The following AUTS2 variants were observed in gnomAD, a reference collection of about 807,000 sequenced individuals.
The protein encoded by AUTS2 is activator of transcription and developmental regulator AUTS2.
Under a neutral mutation model 112.4 loss-of-function variants are expected in AUTS2, and 17 were observed. The observed-to-expected ratio is 0.15, with a 90% CI of 0.10 to 0.23. The LOEUF (loss-of-function observed/expected upper bound fraction) is 0.23, where lower values mean the gene tolerates loss of function less well. Among genes scored for constraint, AUTS2 ranks in the 10% least tolerant of loss-of-function variants. AUTS2 has a pLI of 1.00. For missense variants in AUTS2, 1,510 were observed against 1,701.6 expected (o/e 0.89, Z 1.98); for synonymous variants, 751 against 702.7 (o/e 1.07, Z -1.09).
intron 1 of AUTS2, among the ~76,000 whole-genome samples, chr7:69,603,023 T>C (rs1322416074): frequency 6.6e-6 from 1 of 152,172 alleles, no homozygotes; most frequent in Non-Finnish European, 1.5e-5. Context: ...AAAATGTGTG[T>C]TGGGGGAGTG....
At chr7:69,836,830 C>T (rs769695870) in intron 1 of AUTS2, among the ~76,000 whole-genome samples, 34 of 152,082 alleles carry the variant, frequency 2.2e-4, no homozygotes, top group Non-Finnish European at 2.9e-4. Context: ...AGGTATTGAC[C>T]GCTATAGTGT....
chr7:70,771,673 G>C, intron 11 of AUTS2, 29 bp downstream of exon 11: 1 of 1,593,332 alleles, frequency 6.3e-7, no homozygotes, highest in Non-Finnish European at 8.6e-7. Context: ...AAAACACACA[G>C]GCATGTGTCT....
chr7:70,448,284 G>C (rs1046190254), intron 5 of AUTS2, among the ~76,000 whole-genome samples: 3 of 152,168 alleles, frequency 2.0e-5, no homozygotes, highest in Non-Finnish European at 2.9e-5. Flanking sequence ...GTACATGATA[G>C]GGTTGTAATT....
chr7:69,752,112 T>A (rs1787764274), intron 1 of AUTS2, among the ~76,000 whole-genome samples: 1 of 152,218 alleles, frequency 6.6e-6, no homozygotes, highest in Admixed American at 6.5e-5. Flanking sequence ...CTGTACTGAC[T>A]AAGGAGCCTT....
intron 2 of AUTS2, among the ~76,000 whole-genome samples, chr7:70,111,389 C>T (rs570746132): frequency 6.6e-6 from 1 of 152,220 alleles, no homozygotes; most frequent in South Asian, 2.1e-4. Context: ...TCTTTCCTTT[C>T]TATAATAAAC....
chr7:69,744,546 T>C (rs1787404352), intron 1 of AUTS2, among the ~76,000 whole-genome samples: 1 of 151,990 alleles, frequency 6.6e-6, no homozygotes, highest in Non-Finnish European at 1.5e-5. Flanking sequence ...AATAAAATAC[T>C]GTAGGTCCAG....
chr7:69,829,873 A>G (rs1584307510), intron 1 of AUTS2, among the ~76,000 whole-genome samples: 1 of 152,162 alleles, frequency 6.6e-6, no homozygotes, highest in African/African-American at 2.4e-5. Flanking sequence ...TGACCCAGCA[A>G]TCTCATTACT....
At chr7:70,381,575 A>G (rs1050615022) in intron 4 of AUTS2, among the ~76,000 whole-genome samples, 6 of 152,244 alleles carry the variant, frequency 3.9e-5, no homozygotes, top group East Asian at 1.9e-4. Flanking sequence ...AATTAAGTCA[A>G]TGATGAGGGA....
chr7:69,894,162 G>T (rs1204456618), intron 1 of AUTS2, among the ~76,000 whole-genome samples: 1 of 149,752 alleles, frequency 6.7e-6, no homozygotes, highest in Non-Finnish European at 1.5e-5. Flanking sequence ...AAATCTTTTT[G>T]CCTCTCAGCC....
chr7:69,646,265 G>T (rs542635941), intron 1 of AUTS2, among the ~76,000 whole-genome samples: 3 of 152,056 alleles, frequency 2.0e-5, no homozygotes, highest in Non-Finnish European at 2.9e-5. Flanking sequence ...CCTTATACAA[G>T]GATTTTAGTC....
chr7:70,379,951 T>TA (rs977098709), intron 4 of AUTS2, among the ~76,000 whole-genome samples: 1 of 152,204 alleles, frequency 6.6e-6, no homozygotes, highest in African/African-American at 2.4e-5. Flanking sequence ...AATATTTCGA[T>TA]CAGGTGCAAA....
At chr7:70,665,130 A>G (rs1208905144) in intron 5 of AUTS2, among the ~76,000 whole-genome samples, 3 of 152,152 alleles carry the variant, frequency 2.0e-5, no homozygotes, top group Non-Finnish European at 4.4e-5. Context: ...CCAAACAACA[A>G]TTTCATCATA....
intron 4 of AUTS2, among the ~76,000 whole-genome samples, chr7:70,175,851 C>A (rs778735984): frequency 6.6e-6 from 1 of 152,148 alleles, no homozygotes; most frequent in Admixed American, 6.5e-5. Context: ...ATAATGCTAT[C>A]AATTATGTTA....
chr7:69,734,826 A>G (rs1332870650), intron 1 of AUTS2, among the ~76,000 whole-genome samples: 1 of 152,180 alleles, frequency 6.6e-6, no homozygotes, highest in Non-Finnish European at 1.5e-5. Context: ...AAAGGTTTTT[A>G]TATAATTTGA....
chr7:69,954,880 T>C (rs955337055), intron 2 of AUTS2, among the ~76,000 whole-genome samples: 4 of 152,196 alleles, frequency 2.6e-5, no homozygotes, highest in African/African-American at 9.6e-5. Flanking sequence ...TTTAGGATTA[T>C]TAGAGCTAAT....
chr7:69,992,627 G>C (rs1358581201), intron 2 of AUTS2, among the ~76,000 whole-genome samples: 2 of 152,192 alleles, frequency 1.3e-5, no homozygotes, highest in African/African-American at 4.8e-5. Context: ...GGAAGCCGAG[G>C]ATTATAGGAG....
At chr7:70,600,952 G>A (rs547939424) in intron 5 of AUTS2, among the ~76,000 whole-genome samples, 11 of 152,160 alleles carry the variant, frequency 7.2e-5, no homozygotes, top group Admixed American at 2.0e-4. Flanking sequence ...TCTTTCTACT[G>A]TTTGGTTATT....
At chr7:70,673,468 G>A (rs1170147377) in intron 5 of AUTS2, among the ~76,000 whole-genome samples, 1 of 151,826 alleles carries the variant, frequency 6.6e-6, no homozygotes, top group Non-Finnish European at 1.5e-5. Context: ...CAGGGATCAA[G>A]CGATTCTCAT....
At chr7:70,212,205 A>G (rs1394639313) in intron 4 of AUTS2, among the ~76,000 whole-genome samples, 1 of 152,190 alleles carries the variant, frequency 6.6e-6, no homozygotes, top group East Asian at 1.9e-4. Flanking sequence ...GAATAAATTG[A>G]TGCCAAATTT....
Sources: allele counts gnomAD v4.1 joint callset (sites outside exome capture counted in the v4.1 genomes callset), GRCh38; gene constraint gnomAD v4.1.1; transcripts MANE v1.5; gene names NCBI Gene and HGNC (gene_info 2026-07-23, HGNC 2026-07-21).